SEMA6A: variants seen among roughly 807,000 people sequenced by gnomAD.
SEMA6A encodes the protein semaphorin-6A.
Under a neutral mutation model 96.8 loss-of-function variants are expected in SEMA6A, and 25 were observed. The ratio of observed to expected loss-of-function variants is 0.26; its 90% CI spans 0.19 to 0.36. The LOEUF (loss-of-function observed/expected upper bound fraction) is 0.36, where lower values mean the gene tolerates loss of function less well. Among genes scored for constraint, SEMA6A ranks in the 10% least tolerant of loss-of-function variants. The probability of loss-of-function intolerance (pLI) is 1.00; values close to 1 mark genes in which losing one functional copy is unlikely to be tolerated. For missense variants in SEMA6A, 1,363 were observed against 1,323.1 expected (o/e 1.03, Z -0.47); for synonymous variants, 612 against 518.0 (o/e 1.18, Z -2.46).
Position 116,459,980 on chromosome 5 carries a change from T to G in SEMA6A, c.1894+7603A>C, listed in dbSNP as rs560826011. Among the ~76,000 whole-genome samples the G allele has an allele frequency of 1.6e-4, 24 of 152,248 alleles. No individual in the cohort carries two copies. In the South Asian group the frequency reaches 4.8e-3, roughly 30 times the overall value. On this transcript the variant is annotated intron_variant, in intron 18 of 18. Coordinates refer to ENST00000343348, the MANE Select transcript of SEMA6A (RefSeq NM_020796.5). ...GTCTTGCCTTTCTTTGAGATGAGAT[T>G]GTCAGCATTATTAAACTATTATTTT...
At chr5:116,499,412 C>T (rs1285663834) in intron 3 of SEMA6A, among the ~76,000 whole-genome samples, 3 of 6,696 alleles carry the variant, frequency 4.5e-4, no homozygotes, top group African/African-American at 2.0e-3. Context: ...CCTGGGCGGG[C>T]GGGGGTTGGC....
At position 116,467,659 on chromosome 5, in the gene SEMA6A, C is replaced by G. The variant is rs554900064; in HGVS notation, c.1818G>C (p.Trp606Cys). The change falls in exon 18 of 19, where the codon TGG becomes TGC. Residue 606 changes from tryptophan to cysteine, a missense_variant. Physicochemically the swap from Trp to Cys is radical, Grantham distance 215 (BLOSUM62 -2). Transcript: ENST00000343348. ...TGTCAGGTGAGTCAAGCAGATGCTT[C>G]CAGTCCAGCATTCCTCCCCTAGACT... is the stretch of plus-strand genomic sequence containing the variant. ...GYESRGGMLD[W>C]KHLLDSPDST... 1.2e-6 allele frequency: 2 copies of G among 1,613,748 alleles called. No homozygotes were observed. Among genetic ancestry groups the G allele is most frequent in the Admixed American group, 1.7e-5 (1 of 59,994 alleles).
chr5:116,542,652 T>C (rs1760021442), intron 1 of SEMA6A, among the ~76,000 whole-genome samples: 1 of 152,192 alleles, frequency 6.6e-6, no homozygotes. Flanking sequence ...CTGGATTTCT[T>C]TGACAGTGAA....
At chr5:116,572,672 G>A (rs1002928762) in intron 1 of SEMA6A, among the ~76,000 whole-genome samples, 2 of 152,174 alleles carry the variant, frequency 1.3e-5, no homozygotes, top group East Asian at 1.9e-4. Context: ...ACCTGCCTCC[G>A]GGGTCCTGCT....
chr5:116,472,852 A>AT, intron 17 of SEMA6A: 4 of 1,435,856 alleles, frequency 2.8e-6, no homozygotes, highest in Non-Finnish European at 3.7e-6. Flanking sequence ...GACTTCACGA[A>AT]TTTAAAAAAA....
chr5:116,535,262 C>A (rs1580486828), intron 1 of SEMA6A, among the ~76,000 whole-genome samples: 1 of 152,290 alleles, frequency 6.6e-6, no homozygotes, highest in African/African-American at 2.4e-5. Context: ...CTAATAAGGT[C>A]ACTGACCTGC....
Position 116,446,720 on chromosome 5 carries a change from T to C in SEMA6A, c.2986A>G (p.Thr996Ala), listed in dbSNP as rs745728767. The C allele has an allele frequency of 6.2e-7, 1 of 1,600,220 alleles. No homozygotes were observed. The highest frequency in any genetic ancestry group is 1.1e-5 in the South Asian group (1 of 89,060). ...QPSLNAYNSLTRSGLKRTPSL... is the reference protein window; with the variant it reads ...QPSLNAYNSLARSGLKRTPSL... ...GGCGTACGCTTCAGCCCCGACCTTG[T>C]CAGTGAGTTGTAGGCGTTGAGGCTG... Residue 996 changes from threonine (T) to alanine (A), a missense_variant, in exon 19 of 19, where the codon ACA becomes GCA. Physicochemically the swap from Thr to Ala is moderately conservative, Grantham distance 58. Coordinates refer to ENST00000343348, the MANE Select transcript of SEMA6A (RefSeq NM_020796.5).
At chr5:116,492,821 C>T (rs1348672257) in intron 6 of SEMA6A, among the ~76,000 whole-genome samples, 6 of 152,190 alleles carry the variant, frequency 3.9e-5, no homozygotes, top group East Asian at 1.9e-4. Context: ...GGGTTTTTCA[C>T]TGGAAGACTG....
chr5:116,491,430 T>C (rs1580429821), intron 7 of SEMA6A, among the ~76,000 whole-genome samples: 2 of 152,246 alleles, frequency 1.3e-5, no homozygotes, highest in South Asian at 4.1e-4. Flanking sequence ...TTTAATTTTT[T>C]TTTTTTACAT....
intron 16 of SEMA6A, among the ~76,000 whole-genome samples, chr5:116,474,193 A>G (rs754387077): frequency 4.6e-5 from 7 of 152,106 alleles, no homozygotes; most frequent in Non-Finnish European, 8.8e-5. Context: ...TTTTCTACAG[A>G]CACCACTATT....
chr5:116,523,224 T>C (rs1291158013), intron 1 of SEMA6A, among the ~76,000 whole-genome samples: 1 of 152,200 alleles, frequency 6.6e-6, no homozygotes, highest in African/African-American at 2.4e-5. Context: ...GCTGAGTCTA[T>C]TTTGACCACT....
At chr5:116,478,487 G>A in intron 13 of SEMA6A, 55 bp downstream of exon 13, 2 of 1,465,982 alleles carry the variant, frequency 1.4e-6, no homozygotes, top group South Asian at 1.4e-5. Flanking sequence ...TGAATGAAAG[G>A]GGCCATAATA....
intron 1 of SEMA6A, chr5:116,562,602 T>TCAGCC (rs1760861890): frequency 5.9e-6 from 4 of 682,352 alleles, no homozygotes. Context: ...GAACAGGTCA[T>TCAGCC]CAGCCTCTGA....
chr5:116,501,870 A>G (rs903635270), intron 3 of SEMA6A, among the ~76,000 whole-genome samples: 10 of 152,150 alleles, frequency 6.6e-5, no homozygotes, highest in Non-Finnish European at 8.8e-5. Context: ...CTGGGCAACA[A>G]AGAACGAAAA....
chr5:116,485,018 A>ATG (rs1232208711), intron 10 of SEMA6A, among the ~76,000 whole-genome samples: 1 of 152,196 alleles, frequency 6.6e-6, no homozygotes, highest in Non-Finnish European at 1.5e-5. Flanking sequence ...CCAAGTTTGC[A>ATG]TGTGTAAAGC....
At chr5:116,453,987 A>G (rs75372668) in intron 18 of SEMA6A, among the ~76,000 whole-genome samples, 2,775 of 152,278 alleles carry the variant, frequency 0.018, 107 homozygotes, top group African/African-American at 0.063. Context: ...AGCGTGTAAG[A>G]CACAGGCAAC....
At chr5:116,484,066 G>GAAAAA (rs542325007) in intron 10 of SEMA6A, among the ~76,000 whole-genome samples, 6 of 99,902 alleles carry the variant, frequency 6.0e-5, no homozygotes, top group African/African-American at 1.0e-4. Flanking sequence ...TCTGTCTGAA[G>GAAAAA]AAAAAAAAAA....
intron 1 of SEMA6A, among the ~76,000 whole-genome samples, chr5:116,552,521 G>A (rs530647940): frequency 9.9e-5 from 15 of 151,972 alleles, no homozygotes; most frequent in Admixed American, 3.3e-4. Context: ...GAAATACTCC[G>A]GGTTCATTAA....
At chr5:116,500,429 T>C (rs1010821406) in intron 3 of SEMA6A, among the ~76,000 whole-genome samples, 1 of 152,228 alleles carries the variant, frequency 6.6e-6, no homozygotes, top group Non-Finnish European at 1.5e-5. Flanking sequence ...CAGGATTGGA[T>C]GAATTGACAT....
Sources: gnomAD v4.1 joint callset for allele counts (sites outside exome capture counted in the v4.1 genomes callset) on GRCh38, gnomAD v4.1.1 for gene constraint, MANE v1.5 for transcripts, NCBI Gene and HGNC (gene_info 2026-07-23, HGNC 2026-07-21) for gene names.